The following RAD17 variants were observed in gnomAD, a reference collection of about 807,000 sequenced individuals.
The protein encoded by RAD17 is cell cycle checkpoint protein RAD17.
In RAD17, 31 loss-of-function variants were observed where a neutral mutation model predicts 81.5. The ratio of observed to expected loss-of-function variants is 0.38; its 90% confidence interval spans 0.29 to 0.51. RAD17 has a LOEUF of 0.51. Among genes scored for constraint, RAD17 ranks in the 20% least tolerant of loss-of-function variants. The pLI is 0.88. For missense variants in RAD17, 681 were observed against 781.2 expected (o/e 0.87, Z 1.53); for synonymous variants, 261 against 266.2 (o/e 0.98, Z 0.19).
intron 17 of RAD17, among the ~76,000 whole-genome samples, chr5:69,410,087 T>C (rs189670022): frequency 6.6e-6 from 1 of 152,370 alleles, no homozygotes; most frequent in African/African-American, 2.4e-5. Flanking sequence ...TTCCACCCAT[T>C]GATTATTGTT....
chr5:69,385,026 C>A, intron 8 of RAD17, 93 bp downstream of exon 8: 2 of 1,108,650 alleles, frequency 1.8e-6, no homozygotes, highest in Non-Finnish European at 2.4e-6. Context: ...GTGGCGCGAT[C>A]TCAGCTCATT....
intron 4 of RAD17, among the ~76,000 whole-genome samples, chr5:69,373,534 C>T (rs1012062136): frequency 1.3e-5 from 2 of 151,936 alleles, no homozygotes; most frequent in Non-Finnish European, 2.9e-5. Flanking sequence ...AAAAACCCAT[C>T]TCTACAAAAA....
At chr5:69,411,863 G>A (rs1170728642) in intron 18 of RAD17, among the ~76,000 whole-genome samples, 1 of 152,170 alleles carries the variant, frequency 6.6e-6, no homozygotes, top group African/African-American at 2.4e-5. Flanking sequence ...GTATTGAGTT[G>A]CTGCAATTTA....
intron 4 of RAD17, 69 bp downstream of exon 4, chr5:69,372,286 CTG>C: frequency 1.5e-6 from 2 of 1,346,860 alleles, no homozygotes; most frequent in Non-Finnish European, 1.1e-6. Flanking sequence ...ATTCCTAACT[CTG>C]TCTTAAAAGA....
At chr5:69,375,411 C>T (rs1180014227) in intron 6 of RAD17, among the ~76,000 whole-genome samples, 2 of 152,134 alleles carry the variant, frequency 1.3e-5, no homozygotes, top group Non-Finnish European at 2.9e-5. Flanking sequence ...CACTTCCTTA[C>T]TGCACAATTA....
Position 69,410,521 on chromosome 5 carries a change from A to C in RAD17, c.1722A>C (p.Gly574=), listed in dbSNP as rs61749604. ...QAQISFIQDI[G]RLPLKRHFGR... is the part of the protein sequence containing the mutation. Reference sequence around the variant, plus strand: ...AGATTTCTTTTATCCAAGATATTGGAAGGCTCCCTCTGAAGCGACACTTTG... The same window carrying C: ...AGATTTCTTTTATCCAAGATATTGGCAGGCTCCCTCTGAAGCGACACTTTG... Residue 574 remains glycine, a synonymous_variant, in exon 18 of 19, where the codon GGA becomes GGC. Coordinates refer to ENST00000354868, the MANE Select transcript of RAD17 (RefSeq NM_133338.3). 1.9e-6 allele frequency: 3 copies of C among 1,613,200 alleles called. No homozygotes were observed. The African/African-American group carries it at 4.0e-5, about 22-fold the overall frequency.
At chr5:69,392,039 T>C (rs1309391506) in intron 13 of RAD17, 26 bp downstream of exon 13, 15 of 1,449,690 alleles carry the variant, frequency 1.0e-5, no homozygotes, top group Non-Finnish European at 1.3e-5. Context: ...ACTTTTAAAA[T>C]CTGTTGGATA....
chr5:69,403,574 A>G (rs1240542639), intron 17 of RAD17, among the ~76,000 whole-genome samples: 1 of 152,212 alleles, frequency 6.6e-6, no homozygotes, highest in African/African-American at 2.4e-5. Flanking sequence ...ATCAAAGTAG[A>G]TATTTAGTCT....
intron 15 of RAD17, 108 bp from the exon 16 acceptor site, chr5:69,396,289 A>G: frequency 8.3e-7 from 1 of 1,211,540 alleles, no homozygotes; most frequent in Non-Finnish European, 1.1e-6. Context: ...TGTTGAAGAA[A>G]GTGAACACAT....
At chr5:69,386,762 T>C (rs952384568) in intron 11 of RAD17, among the ~76,000 whole-genome samples, 1 of 152,216 alleles carries the variant, frequency 6.6e-6, no homozygotes, top group Admixed American at 6.5e-5. Flanking sequence ...ATGGTAGTTA[T>C]CAACAATTCA....
chr5:69,386,342 A>T (rs374872626), intron 10 of RAD17, 37 bp downstream of exon 10: 2 of 1,582,672 alleles, frequency 1.3e-6, no homozygotes, highest in Non-Finnish European at 8.6e-7. Flanking sequence ...GGTCACATAC[A>T]TATTATATTT....
chr5:69,393,998 TG>T (rs1764713728), intron 15 of RAD17, among the ~76,000 whole-genome samples: 1 of 145,812 alleles, frequency 6.9e-6, no homozygotes, highest in Non-Finnish European at 1.5e-5. Flanking sequence ...TAGGGAATCC[TG>T]TCCTCTCTGC....
intron 1 of RAD17, chr5:69,370,785 T>G (rs1453463557): frequency 1.9e-5 from 3 of 161,046 alleles, no homozygotes; most frequent in Non-Finnish European, 4.1e-5. Context: ...TTTTCTAGTG[T>G]GTCGAGGTGT....
chr5:69,402,441 G>A (rs1333150020), intron 17 of RAD17, among the ~76,000 whole-genome samples: 7 of 152,078 alleles, frequency 4.6e-5, no homozygotes, highest in African/African-American at 7.2e-5. Flanking sequence ...CGAGGCGGGC[G>A]GATCACGAGG....
upstream of RAD17, chr5:69,369,645 C>T: frequency 6.4e-7 from 1 of 1,562,582 alleles, no homozygotes; most frequent in Non-Finnish European, 8.7e-7. Flanking sequence ...CCAGCCGCGG[C>T]CCACTGGTTA....
At chr5:69,397,398 T>C (rs1764960069) in intron 16 of RAD17, among the ~76,000 whole-genome samples, 1 of 152,206 alleles carries the variant, frequency 6.6e-6, no homozygotes, top group Non-Finnish European at 1.5e-5. Context: ...CGCCTTGGCC[T>C]CTCAAAGTGC....
chr5:69,408,251 A>G (rs1198217848), intron 17 of RAD17, among the ~76,000 whole-genome samples: 1 of 151,784 alleles, frequency 6.6e-6, no homozygotes, highest in Admixed American at 6.6e-5. Context: ...GAGAATATTG[A>G]TTCTCCTCCT....
chr5:69,372,756 C>T (rs1482985544), intron 4 of RAD17, among the ~76,000 whole-genome samples: 2 of 152,040 alleles, frequency 1.3e-5, no homozygotes, highest in South Asian at 4.1e-4. Flanking sequence ...GGAATACAGG[C>T]GTGCGCCACC....
At chr5:69,384,422 C>A (rs1298208098) in intron 7 of RAD17, among the ~76,000 whole-genome samples, 2 of 152,092 alleles carry the variant, frequency 1.3e-5, no homozygotes, top group African/African-American at 4.8e-5. Context: ...TTACCCCCAC[C>A]CTCTGCCTCA....
Sources: gnomAD v4.1 joint callset for allele counts (sites outside exome capture counted in the v4.1 genomes callset) on GRCh38, gnomAD v4.1.1 for gene constraint, MANE v1.5 for transcripts, NCBI Gene and HGNC (gene_info 2026-07-23, HGNC 2026-07-21) for gene names.